GABRG1: variants seen among roughly 807,000 people sequenced by gnomAD.
GABRG1 encodes gamma-aminobutyric acid type A receptor subunit gamma1.
In GABRG1, 49 loss-of-function variants were observed where a neutral mutation model predicts 49.8. The observed-to-expected ratio is 0.98, with a 90% CI of 0.78 to 1.25. The LOEUF is 1.25. Ranked by LOEUF, GABRG1 falls within the 50% of genes most tolerant of loss-of-function variation. The pLI is 0.00. For synonymous variants in GABRG1, 232 were observed against 185.1 expected, an observed-to-expected ratio of 1.25 and a Z score of -2.06; for missense variants, 552 against 552.3, an observed-to-expected ratio of 1.00 and a Z score of 0.01.
chr4:46,093,029 A>G (rs2109428781), intron 2 of GABRG1, among the ~76,000 whole-genome samples: 1 of 147,920 alleles, frequency 6.8e-6, no homozygotes, highest in African/African-American at 2.5e-5. Flanking sequence ...AGATTGCACC[A>G]TTGTACTCCA....
chr4:46,067,767 A>T (rs1718972409), intron 3 of GABRG1, among the ~76,000 whole-genome samples: 1 of 152,306 alleles, frequency 6.6e-6, no homozygotes, highest in South Asian at 2.1e-4. Context: ...TCATAAGGCA[A>T]ACCGCATCCC....
intron 1 of GABRG1, among the ~76,000 whole-genome samples, chr4:46,114,890 T>C (rs1409434781): frequency 6.6e-6 from 1 of 150,732 alleles, no homozygotes; most frequent in East Asian, 1.9e-4. Context: ...GCATATGAAA[T>C]GATTAAGCGG....
intron 1 of GABRG1, among the ~76,000 whole-genome samples, chr4:46,102,925 A>G (rs866031402): frequency 6.6e-6 from 1 of 151,664 alleles, no homozygotes; most frequent in Non-Finnish European, 1.5e-5. Context: ...AAGTCAGTCA[A>G]TTAATATAAA....
chr4:46,102,693 A>G (rs1323218233), intron 1 of GABRG1, among the ~76,000 whole-genome samples: 1 of 151,664 alleles, frequency 6.6e-6, no homozygotes, highest in African/African-American at 2.4e-5. Flanking sequence ...TTGTCTTACT[A>G]AACTCAGCTA....
chr4:46,038,193 C>A lies in GABRG1; in HGVS notation c.*2795G>T, dbSNP rs144527658. ...TGTCCCTGCTAAATTCTCAAGTATTCTATGTATTTTTTACTTTTTTTTAGA... is the reference window on the plus strand; with the variant it reads ...TGTCCCTGCTAAATTCTCAAGTATTATATGTATTTTTTACTTTTTTTTAGA... On this transcript the variant is annotated 3_prime_UTR_variant, in exon 9 of 9. Transcript: ENST00000295452. 10 of 151,650 alleles carry A rather than the reference C, an allele frequency of 6.6e-5. No homozygotes were observed. In the East Asian group the frequency reaches 1.9e-3, roughly 29 times the overall value. 9.4% of individuals were successfully genotyped at this position (151,650 alleles called of 1,614,324 possible). A position where few individuals can be genotyped will look rare whatever the true frequency, so the allele number is the denominator to read the frequency against.
At chr4:46,054,967 A>G (rs1718376223) in intron 7 of GABRG1, among the ~76,000 whole-genome samples, 1 of 93,522 alleles carries the variant, frequency 1.1e-5, no homozygotes, top group Non-Finnish European at 2.1e-5. Flanking sequence ...CCCATTCAGT[A>G]TGATATTGGC....
chr4:46,048,786 TG>T (rs1292290419), intron 8 of GABRG1, among the ~76,000 whole-genome samples: 1 of 151,726 alleles, frequency 6.6e-6, no homozygotes, highest in African/African-American at 2.4e-5. Context: ...GCAAGCAAGC[TG>T]GCCCATTTCA....
intron 1 of GABRG1, among the ~76,000 whole-genome samples, chr4:46,109,087 A>G (rs1720643794): frequency 6.6e-6 from 1 of 150,976 alleles, no homozygotes. Flanking sequence ...CTTTCAGTAG[A>G]ATTGGTACCA....
intron 2 of GABRG1, among the ~76,000 whole-genome samples, chr4:46,096,322 G>C (rs572960139): frequency 1.3e-5 from 2 of 151,600 alleles, no homozygotes; most frequent in South Asian, 4.1e-4. Context: ...TGAGAATCCC[G>C]AGTAAAGGGC....
At chr4:46,119,227 A>C (rs1721023397) in intron 1 of GABRG1, among the ~76,000 whole-genome samples, 1 of 151,324 alleles carries the variant, frequency 6.6e-6, no homozygotes. Context: ...TTTCTGCTTA[A>C]TGTGATTTTA....
chr4:46,052,560 C>T (rs1415179086), intron 7 of GABRG1, among the ~76,000 whole-genome samples: 1 of 151,822 alleles, frequency 6.6e-6, no homozygotes, highest in Non-Finnish European at 1.5e-5. Context: ...GGATCTGTTT[C>T]TCATCAGTCT....
chr4:46,046,901 C>A (rs755757064), intron 8 of GABRG1, among the ~76,000 whole-genome samples: 1 of 152,034 alleles, frequency 6.6e-6, no homozygotes, highest in African/African-American at 2.4e-5. Context: ...AACTTGCCTG[C>A]GCTAACAAGA....
At chr4:46,119,602 T>G (rs1721035960) in intron 1 of GABRG1, among the ~76,000 whole-genome samples, 1 of 151,540 alleles carries the variant, frequency 6.6e-6, no homozygotes, top group Non-Finnish European at 1.5e-5. Flanking sequence ...TTTGAAGACA[T>G]TTTCCCCATA....
chr4:46,064,450 A>T lies in GABRG1; in HGVS notation c.616T>A (p.Phe206Ile), dbSNP rs1358741175. The T allele has an allele frequency of 6.6e-7, 1 of 1,519,868 alleles. No individual in the cohort carries two copies. Among genetic ancestry groups the T allele is most frequent in the Non-Finnish European group, 8.8e-7 (1 of 1,132,346 alleles). The allele number at this position is 1,519,868 out of a possible 1,614,324, so 94.1% of individuals were successfully genotyped here. A position where few individuals can be genotyped will look rare whatever the true frequency, so the allele number is the denominator to read the frequency against. ...GTGTTTTGTTACTTACAGCTTGAAA[A>T]TTCCAGTGGACAGGAATGTTCATCC... ...PMDEHSCPLE[F>I]SSYGYPKNEI... Residue 206 changes from phenylalanine to isoleucine, a missense_variant, in exon 5 of 9, where the codon TTT becomes ATT. Physicochemically the swap from Phe to Ile is conservative, Grantham distance 21 (BLOSUM62 0). Coordinates refer to ENST00000295452, the MANE Select transcript of GABRG1 (RefSeq NM_173536.4).
At chr4:46,065,745 C>G (rs923242748) in intron 3 of GABRG1, among the ~76,000 whole-genome samples, 161 bp from the exon 4 acceptor site, 1 of 151,868 alleles carries the variant, frequency 6.6e-6, no homozygotes, top group East Asian at 1.9e-4. Context: ...TTTTTTGAGA[C>G]AGAGTCTCGC....
chr4:46,043,412 T>C (rs1309127337), intron 8 of GABRG1, among the ~76,000 whole-genome samples: 1 of 151,886 alleles, frequency 6.6e-6, no homozygotes, highest in African/African-American at 2.4e-5. Flanking sequence ...TGAAAGAAAC[T>C]ACACATCAGT....
At chr4:46,080,628 A>G (rs968578071) in intron 3 of GABRG1, among the ~76,000 whole-genome samples, 1 of 151,494 alleles carries the variant, frequency 6.6e-6, no homozygotes, top group Non-Finnish European at 1.5e-5. Flanking sequence ...ATATAGGAAG[A>G]TCATTGTAAA....
intron 1 of GABRG1, among the ~76,000 whole-genome samples, chr4:46,115,437 G>A (rs1001386467): frequency 6.6e-6 from 1 of 150,588 alleles, no homozygotes; most frequent in South Asian, 2.1e-4. Context: ...TATATACCAT[G>A]GCATTAGGGA....
In GABRG1 at chr4:46,078,355, C is replaced by A. The variant is rs186194346; in HGVS notation, c.321+5631G>T. On this transcript the variant is annotated intron_variant, in intron 3 of 8. Transcript: ENST00000295452. ...AAGCTAATGTACTTGGCAAGAATTGCCTCTTTCCAGTTAATATAGTAAAAT... is the reference window on the plus strand; with the variant it reads ...AAGCTAATGTACTTGGCAAGAATTGACTCTTTCCAGTTAATATAGTAAAAT... Among the ~76,000 whole-genome samples, 375 of 152,062 alleles carry A rather than the reference C, an allele frequency of 2.5e-3. 1 individual carries two copies. The highest frequency in any genetic ancestry group is 8.5e-3 in the African/African-American group (351 of 41,530).
Sources: allele counts gnomAD v4.1 joint callset (sites outside exome capture counted in the v4.1 genomes callset), GRCh38; gene constraint gnomAD v4.1.1; transcripts MANE v1.5; gene names NCBI Gene and HGNC (gene_info 2026-07-23, HGNC 2026-07-21).